The following KCND2 variants were observed in gnomAD, a reference collection of about 807,000 sequenced individuals.
KCND2 encodes the protein potassium voltage-gated channel subfamily D member 2.
A neutral mutation model predicts 54.4 loss-of-function variants in KCND2; 16 were observed. The observed-to-expected ratio is 0.29, with a 90% CI of 0.20 to 0.45. The LOEUF is 0.45. Among genes scored for constraint, KCND2 ranks in the 20% least tolerant of loss-of-function variants. The pLI is 1.00. For synonymous variants in KCND2, 317 were observed against 310.7 expected (o/e 1.02, Z -0.21); for missense variants, 486 against 824.2 (o/e 0.59, Z 5.02).
At chr7:120,513,478 C>T (rs1023317785) in intron 1 of KCND2, among the ~76,000 whole-genome samples, 2 of 152,018 alleles carry the variant, frequency 1.3e-5, no homozygotes, top group Non-Finnish European at 2.9e-5. Flanking sequence ...TACATTTTTA[C>T]ACATTTAGAT....
At chr7:120,465,616 T>C (rs2116249458) in intron 1 of KCND2, among the ~76,000 whole-genome samples, 1 of 152,280 alleles carries the variant, frequency 6.6e-6, no homozygotes, top group East Asian at 1.9e-4. Context: ...AGTTTGCATG[T>C]GTTCAGTTTG....
chr7:120,697,167 A>C (rs1792342512), intron 1 of KCND2, among the ~76,000 whole-genome samples: 1 of 152,180 alleles, frequency 6.6e-6, no homozygotes, highest in Non-Finnish European at 1.5e-5. Context: ...GATATGGTTT[A>C]TGTGTTTTCT....
At chr7:120,275,854 T>G in intron 1 of KCND2, 107 bp downstream of exon 1, 1 of 1,279,554 alleles carries the variant, frequency 7.8e-7, no homozygotes, top group Non-Finnish European at 1.1e-6. Flanking sequence ...TTTTCTTTCC[T>G]GAGTTTAGGA....
rs529934960 is a variant in KCND2 at position 120,638,821 on chromosome 7, T to C, written c.1116-94082T>C. On this transcript the variant is annotated intron_variant, in intron 1 of 5. Coordinates refer to ENST00000331113, the MANE Select transcript of KCND2 (RefSeq NM_012281.3). Reference sequence around the variant, plus strand: ...GTTGTATGGAAATGTAAAAGACTATTAAAAGTAGTAAAGATGTATAGATTA... The same window carrying C: ...GTTGTATGGAAATGTAAAAGACTATCAAAAGTAGTAAAGATGTATAGATTA... Among the ~76,000 whole-genome samples, 7 of 152,218 alleles carry C rather than the reference T, an allele frequency of 4.6e-5. No homozygotes were observed. The South Asian group carries it at 1.4e-3, about 32-fold the overall frequency.
intron 1 of KCND2, among the ~76,000 whole-genome samples, chr7:120,498,526 A>G (rs1321393023): frequency 1.3e-5 from 2 of 151,774 alleles, no homozygotes; most frequent in East Asian, 1.9e-4. Context: ...TGTAATCCCA[A>G]CACTTTGAGA....
chr7:120,661,121 A>T (rs1463573064), intron 1 of KCND2, among the ~76,000 whole-genome samples: 3 of 152,160 alleles, frequency 2.0e-5, no homozygotes, highest in Non-Finnish European at 4.4e-5. Flanking sequence ...CTAAATAATG[A>T]TGTGGAATCA....
chr7:120,582,497 G>A (rs1463866720), intron 1 of KCND2, among the ~76,000 whole-genome samples: 2 of 152,040 alleles, frequency 1.3e-5, no homozygotes, highest in Non-Finnish European at 2.9e-5. Context: ...CTCCTGCTGT[G>A]TTTTCTACTA....
At chr7:120,345,570 C>A (rs1202833463) in intron 1 of KCND2, among the ~76,000 whole-genome samples, 1 of 152,156 alleles carries the variant, frequency 6.6e-6, no homozygotes, top group Non-Finnish European at 1.5e-5. Context: ...TCCCTGGCAA[C>A]CACCATTCCA....
rs1444620050 is a variant in KCND2 at position 120,509,165 on chromosome 7, G to A, written c.1116-223738G>A. 5.3e-5 allele frequency among the ~76,000 whole-genome samples: 8 copies of A among 151,766 alleles called. No individual in the cohort carries two copies. In the East Asian group the frequency reaches 1.5e-3, roughly 29 times the overall value. On this transcript the variant is annotated intron_variant, in intron 1 of 5. Coordinates refer to ENST00000331113, the MANE Select transcript of KCND2 (RefSeq NM_012281.3). ...TGTTAGGTAACTCTCACAACCAATG[G>A]GAACTGAAGGAGTGATGACTACTAA...
intron 1 of KCND2, among the ~76,000 whole-genome samples, chr7:120,307,924 A>G (rs970721516): frequency 6.6e-6 from 1 of 152,164 alleles, no homozygotes; most frequent in African/African-American, 2.4e-5. Context: ...ATAATATGGC[A>G]GAAGGATATT....
At position 120,274,665 on chromosome 7, in the gene KCND2, T is replaced by G. The variant is rs35950053; in HGVS notation, c.33T>G (p.Phe11Leu). 1.8e-4 allele frequency: 290 copies of G among 1,613,932 alleles called. No individual in the cohort carries two copies. Among genetic ancestry groups the G allele is most frequent in the Non-Finnish European group, 2.4e-4 (279 of 1,180,034 alleles). Residue 11 changes from phenylalanine to leucine, a missense_variant, in exon 1 of 6, where the codon TTT becomes TTG. Physicochemically the swap from Phe to Leu is conservative, Grantham distance 22. Transcript: ENST00000331113. MAAGVAAWLP[F>L]ARAAAIGWMP... ...CGGGGGTGGCAGCGTGGCTGCCTTT[T>G]GCAAGGGCAGCGGCTATCGGGTGGA...
At chr7:120,697,058 A>G (rs993386837) in intron 1 of KCND2, among the ~76,000 whole-genome samples, 3 of 152,226 alleles carry the variant, frequency 2.0e-5, no homozygotes, top group Admixed American at 6.5e-5. Flanking sequence ...TCTCTGAGTC[A>G]GTAAAACGGT....
rs1335452347 is a variant in KCND2 at position 120,745,948 on chromosome 7, T to C, written c.1636T>C (p.Ser546Pro). ...KTFRIPNANVSGSHQGSIQEL... is the reference protein window; with the variant it reads ...KTFRIPNANVPGSHQGSIQEL... Reference sequence around the variant, plus strand: ...TTTTCGCATCCCAAATGCCAATGTATCAGGAAGCCATCAAGGTAGTATACA... The same window carrying C: ...TTTTCGCATCCCAAATGCCAATGTACCAGGAAGCCATCAAGGTAGTATACA... The change falls in exon 5 of 6, where the codon TCA becomes CCA. Residue 546 changes from serine to proline, a missense_variant. Coordinates refer to ENST00000331113, the MANE Select transcript of KCND2 (RefSeq NM_012281.3). 6.2e-7 allele frequency: 1 copy of C among 1,613,826 alleles called. No homozygotes were observed. The highest frequency in any genetic ancestry group is 1.7e-5 in the Admixed American group (1 of 59,976).
At chr7:120,362,869 T>A (rs1020835981) in intron 1 of KCND2, among the ~76,000 whole-genome samples, 1 of 152,078 alleles carries the variant, frequency 6.6e-6, no homozygotes, top group African/African-American at 2.4e-5. Flanking sequence ...ATAGGTTGGA[T>A]GCAGGGTGAA....
chr7:120,521,778 A>G (rs1791696077), intron 1 of KCND2, among the ~76,000 whole-genome samples: 1 of 152,170 alleles, frequency 6.6e-6, no homozygotes, highest in African/African-American at 2.4e-5. Flanking sequence ...TAGTTTGTAT[A>G]CATGCATACA....
chr7:120,712,554 C>T (rs145435580), intron 1 of KCND2, among the ~76,000 whole-genome samples: 1 of 151,904 alleles, frequency 6.6e-6, no homozygotes, highest in Non-Finnish European at 1.5e-5. Flanking sequence ...ATCCACTGCG[C>T]CTGGCCTGAA....
At chr7:120,328,801 G>C (rs1418564584) in intron 1 of KCND2, among the ~76,000 whole-genome samples, 1 of 152,010 alleles carries the variant, frequency 6.6e-6, no homozygotes, top group African/African-American at 2.4e-5. Context: ...AATTGTCTTA[G>C]TTATATATTC....
At chr7:120,640,603 T>C (rs1490009489) in intron 1 of KCND2, among the ~76,000 whole-genome samples, 1 of 152,100 alleles carries the variant, frequency 6.6e-6, no homozygotes, top group African/African-American at 2.4e-5. Context: ...CTAATAATTG[T>C]ATTTTTAAGT....
intron 1 of KCND2, among the ~76,000 whole-genome samples, chr7:120,558,728 G>T (rs1007040986): frequency 5.9e-5 from 9 of 152,014 alleles, no homozygotes; most frequent in African/African-American, 1.9e-4. Context: ...TTTATAGGTG[G>T]GATAATTTGG....
Sources: gnomAD v4.1 joint callset for allele counts (sites outside exome capture counted in the v4.1 genomes callset) on GRCh38, gnomAD v4.1.1 for gene constraint, MANE v1.5 for transcripts, NCBI Gene and HGNC (gene_info 2026-07-23, HGNC 2026-07-21) for gene names.